Variants in C14orf119 observed in about 807,000 individuals in gnomAD.
C14orf119 encodes uncharacterized protein C14orf119.
In C14orf119, 17 loss-of-function variants were observed where a neutral mutation model predicts 13.5. That is an observed-to-expected ratio of 1.26 (90% CI 0.86 to 1.88). C14orf119 has a LOEUF of 1.88. C14orf119 is among the 40% of genes most tolerant of loss of function. The pLI, the probability that C14orf119 is intolerant of heterozygous loss-of-function variation, is 0.00. For missense variants in C14orf119, 162 were observed against 165.9 expected (o/e 0.98, Z 0.13); for synonymous variants, 61 against 61.9 (o/e 0.99, Z 0.07).
Position 23,097,848 on chromosome 14 carries a change from A to G in C14orf119, c.190A>G (p.Lys64Glu). The G allele has an allele frequency of 6.2e-7, 1 of 1,614,230 alleles. No homozygotes were observed. Among genetic ancestry groups the G allele is most frequent in the Non-Finnish European group, 8.5e-7 (1 of 1,180,024 alleles). Reference sequence around the variant, plus strand: ...ACGTTTCCTAGAGGACCTGGTAGCTAAGGCAGTGCCAGAAAAATTACAACC... The same window carrying G: ...ACGTTTCCTAGAGGACCTGGTAGCTGAGGCAGTGCCAGAAAAATTACAACC... ...RERFLEDLVAKAVPEKLQPLL... is the reference protein window; with the variant it reads ...RERFLEDLVAEAVPEKLQPLL... The change falls in exon 2 of 2, where the codon AAG becomes GAG. Residue 64 changes from lysine to glutamate, a missense_variant. By Grantham distance (56) the Lys-to-Glu change is moderately conservative. Coordinates refer to ENST00000319074, the MANE Select transcript of C14orf119 (RefSeq NM_017924.4).
At position 23,099,660 on chromosome 14, in the gene C14orf119, A is replaced by G. The variant is rs1199079934; in HGVS notation, c.*1579A>G. The G allele has an allele frequency of 2.7e-6, 1 of 375,304 alleles. No homozygotes were observed. Among genetic ancestry groups the G allele is most frequent in the African/African-American group, 2.1e-5 (1 of 47,582 alleles). 23.2% of individuals were successfully genotyped at this position (375,304 alleles called of 1,614,324 possible). On this transcript the variant is annotated 3_prime_UTR_variant, in exon 2 of 2. Coordinates refer to ENST00000319074, the MANE Select transcript of C14orf119 (RefSeq NM_017924.4). ...CCGTAATCTCCGCCTCCCAGGCTCAAGCAATTCTCCTGCCTCAACCTTCCG... is the reference window on the plus strand; with the variant it reads ...CCGTAATCTCCGCCTCCCAGGCTCAGGCAATTCTCCTGCCTCAACCTTCCG...
chr14:23,099,155 ATAT>A lies in C14orf119; in HGVS notation c.*1076_*1078del. 2.4e-6 allele frequency: 1 copy of A among 411,810 alleles called. No homozygotes were observed. 25.5% of individuals were successfully genotyped at this position (411,810 alleles called of 1,614,324 possible). ...CCTTTTTTCATTGCCAGGCTATATAATATTGACAACCGGGGAAAGAGGCATTCC... is the reference window on the plus strand; with the variant it reads ...CCTTTTTTCATTGCCAGGCTATATAATGACAACCGGGGAAAGAGGCATTCC... On this transcript the variant is annotated 3_prime_UTR_variant, in exon 2 of 2. Coordinates refer to ENST00000319074, the MANE Select transcript of C14orf119 (RefSeq NM_017924.4).
chr14:23,099,391 G>A lies in C14orf119; in HGVS notation c.*1310G>A. ...AGTGGCTCTTTTCTGGTAGGCTGTGGTTCCCATTACACCCACCAGGATTAG... is the reference window on the plus strand; with the variant it reads ...AGTGGCTCTTTTCTGGTAGGCTGTGATTCCCATTACACCCACCAGGATTAG... On this transcript the variant is annotated 3_prime_UTR_variant, in exon 2 of 2. Transcript: ENST00000319074. 2.4e-6 allele frequency: 1 copy of A among 413,412 alleles called. No homozygotes were observed. The highest frequency in any genetic ancestry group is 3.6e-5 in the East Asian group (1 of 28,074). 25.6% of individuals were successfully genotyped at this position (413,412 alleles called of 1,614,324 possible).
Position 23,100,120 on chromosome 14 carries a change from G to C in C14orf119, c.*2039G>C. ...AAATACAAAAATTAGCTGGCATGGT[G>C]GTGTGCACCTGTAGTCCCAGCTACT... On this transcript the variant is annotated 3_prime_UTR_variant, in exon 2 of 2. Coordinates refer to ENST00000319074, the MANE Select transcript of C14orf119 (RefSeq NM_017924.4). 6.1e-6 allele frequency: 1 copy of C among 165,022 alleles called. No individual in the cohort carries two copies. The highest frequency in any genetic ancestry group is 1.7e-4 in the East Asian group (1 of 5,910). 10.2% of individuals were successfully genotyped at this position (165,022 alleles called of 1,614,324 possible). A position where few individuals can be genotyped will look rare whatever the true frequency, so the allele number is the denominator to read the frequency against.
At position 23,098,494 on chromosome 14, in the gene C14orf119, G is replaced by T; in HGVS notation, c.*413G>T. On this transcript the variant is annotated 3_prime_UTR_variant, in exon 2 of 2. Coordinates refer to ENST00000319074, the MANE Select transcript of C14orf119 (RefSeq NM_017924.4). Reference sequence around the variant, plus strand: ...AGGTGGCGTTTTTGTACTTTACCTGGATTCCATTGGCTGGTTTTACCACTC... The same window carrying T: ...AGGTGGCGTTTTTGTACTTTACCTGTATTCCATTGGCTGGTTTTACCACTC... The T allele has an allele frequency of 5.2e-6, 1 of 192,900 alleles. No homozygotes were observed. The highest frequency in any genetic ancestry group is 1.3e-4 in the East Asian group (1 of 7,740). 11.9% of individuals were successfully genotyped at this position (192,900 alleles called of 1,614,324 possible). A position where few individuals can be genotyped will look rare whatever the true frequency, so the allele number is the denominator to read the frequency against.
rs547095845 is a variant in C14orf119, at chr14:23,099,226, A to C, written c.*1145A>C. 2.4e-6 allele frequency: 1 copy of C among 413,212 alleles called. No individual in the cohort carries two copies. The highest frequency in any genetic ancestry group is 2.1e-5 in the African/African-American group (1 of 48,630). The allele number at this position is 413,212 out of a possible 1,614,324, so 25.6% of individuals were successfully genotyped here. A position where few individuals can be genotyped will look rare whatever the true frequency, so the allele number is the denominator to read the frequency against. ...AGTATACACAATAGATTTTCCATCC[A>C]GTTGTCTCACAAGAAATTATTCTCT... On this transcript the variant is annotated 3_prime_UTR_variant, in exon 2 of 2. Transcript: ENST00000319074.
chr14:23,098,033 C>G lies in C14orf119; in HGVS notation c.375C>G (p.Phe125Leu). Residue 125 changes from phenylalanine (F) to leucine (L), a missense_variant, in exon 2 of 2, where the codon TTC becomes TTG. Coordinates refer to ENST00000319074, the MANE Select transcript of C14orf119 (RefSeq NM_017924.4). The stretch of plus-strand genomic sequence containing the variant: ...AGCTGGAGTTCAGTGAGCCAGACTT[C>G]GTGGCAAAGTTTTACCAAGCAGTGG... ...VRQLEFSEPD[F>L]VAKFYQAVAA... 6.2e-7 allele frequency: 1 copy of G among 1,614,084 alleles called. No individual in the cohort carries two copies. Among genetic ancestry groups the G allele is most frequent in the Non-Finnish European group, 8.5e-7 (1 of 1,180,024 alleles).
In C14orf119 at chr14:23,099,296, T is replaced by G; in HGVS notation, c.*1215T>G. On this transcript the variant is annotated 3_prime_UTR_variant, in exon 2 of 2. Coordinates refer to ENST00000319074, the MANE Select transcript of C14orf119 (RefSeq NM_017924.4). ...TCTGGGCAACATCACACCTCCCTTA[T>G]TCCTCTAACTGGGACCCTTGTGCTG... 2.4e-6 allele frequency: 1 copy of G among 413,442 alleles called. No individual in the cohort carries two copies. The highest frequency in any genetic ancestry group is 4.4e-6 in the Non-Finnish European group (1 of 226,116). 25.6% of individuals were successfully genotyped at this position (413,442 alleles called of 1,614,324 possible). A position where few individuals can be genotyped will look rare whatever the true frequency, so the allele number is the denominator to read the frequency against.
Position 23,100,456 on chromosome 14 carries a change from A to G in C14orf119, c.*2375A>G, listed in dbSNP as rs935099653. 1.2e-5 allele frequency: 5 copies of G among 413,228 alleles called. No homozygotes were observed. Among genetic ancestry groups the G allele is most frequent in the African/African-American group, 2.1e-5 (1 of 48,618 alleles). The allele number at this position is 413,228 out of a possible 1,614,324, so 25.6% of individuals were successfully genotyped here. On this transcript the variant is annotated 3_prime_UTR_variant, in exon 2 of 2. Coordinates refer to ENST00000319074, the MANE Select transcript of C14orf119 (RefSeq NM_017924.4). ...GTGCTTAATAAATTTAATTTCAAACATCCGGACTCCATGGATTTGAAAGGA... is the reference window on the plus strand; with the variant it reads ...GTGCTTAATAAATTTAATTTCAAACGTCCGGACTCCATGGATTTGAAAGGA...
In C14orf119 at chr14:23,098,055, G is replaced by C. The variant is rs965584688; in HGVS notation, c.397G>C (p.Val133Leu). 3 of 1,613,942 alleles carry C rather than the reference G, an allele frequency of 1.9e-6. No homozygotes were observed. The highest frequency in any genetic ancestry group is 1.7e-5 in the Admixed American group (1 of 60,006). ...CTTCGTGGCAAAGTTTTACCAAGCA[G>C]TGGCTGCTACAGCTGGTAAGGACTG... Reference protein sequence around the residue: ...PDFVAKFYQAVAATAGKD With the variant: ...PDFVAKFYQALAATAGKD Residue 133 changes from valine (V) to leucine (L), a missense_variant, in exon 2 of 2, where the codon GTG (valine) becomes CTG (leucine). Physicochemically the swap from Val to Leu is conservative, Grantham distance 32. Coordinates refer to ENST00000319074, the MANE Select transcript of C14orf119 (RefSeq NM_017924.4).
rs1443464445 is a variant in C14orf119 at position 23,099,646 on chromosome 14, G to A, written c.*1565G>A. ...GTGATCTTGGCTCACCGTAATCTCC[G>A]CCTCCCAGGCTCAAGCAATTCTCCT... On this transcript the variant is annotated 3_prime_UTR_variant, in exon 2 of 2. Coordinates refer to ENST00000319074, the MANE Select transcript of C14orf119 (RefSeq NM_017924.4). 1.6e-5 allele frequency: 6 copies of A among 365,612 alleles called. No individual in the cohort carries two copies. The highest frequency in any genetic ancestry group is 2.9e-5 in the Non-Finnish European group (6 of 207,084). 22.6% of individuals were successfully genotyped at this position (365,612 alleles called of 1,614,324 possible).
rs756125770 is a variant in C14orf119 at position 23,097,920 on chromosome 14, C to G, written c.262C>G (p.Pro88Ala). Residue 88 changes from proline to alanine, a missense_variant, in exon 2 of 2, where the codon CCA (proline) becomes GCA (alanine). Physicochemically the swap from Pro to Ala is conservative, Grantham distance 27. Coordinates refer to ENST00000319074, the MANE Select transcript of C14orf119 (RefSeq NM_017924.4). ...EQLSVSGADR[P>A]PSIFECQLHL... ...GCTTAGTGTGTCTGGGGCAGACCGA[C>G]CACCTTCTATCTTTGAGTGCCAGCT... 3.7e-6 allele frequency: 6 copies of G among 1,614,146 alleles called. No individual in the cohort carries two copies. In the South Asian group the frequency reaches 6.6e-5, roughly 18 times the overall value.
At position 23,098,610 on chromosome 14, in the gene C14orf119, A is replaced by G. The variant is rs1274947256; in HGVS notation, c.*529A>G. 1 of 171,130 alleles carries G rather than the reference A, an allele frequency of 5.8e-6. No homozygotes were observed. Among genetic ancestry groups the G allele is most frequent in the Non-Finnish European group, 1.4e-5 (1 of 70,426 alleles). The allele number at this position is 171,130 out of a possible 1,614,324, so 10.6% of individuals were successfully genotyped here. A position where few individuals can be genotyped will look rare whatever the true frequency, so the allele number is the denominator to read the frequency against. ...AATTATGAAAAATCAGGAGAGGGAG[A>G]TAATTAGTTGCTTCCTCCTTCACAC... On this transcript the variant is annotated 3_prime_UTR_variant, in exon 2 of 2. Coordinates refer to ENST00000319074, the MANE Select transcript of C14orf119 (RefSeq NM_017924.4).
rs1326860066 is a variant in C14orf119, at chr14:23,099,015, TC to T, written c.*936del. On this transcript the variant is annotated 3_prime_UTR_variant, in exon 2 of 2. Coordinates refer to ENST00000319074, the MANE Select transcript of C14orf119 (RefSeq NM_017924.4). ...TATTCTTGGAACTGGTAGCAGGTGT[TC>T]CTATTCTGTAAGTTTGCTTTACAAC... 1 of 272,648 alleles carries T rather than the reference TC, an allele frequency of 3.7e-6. No individual in the cohort carries two copies. The highest frequency in any genetic ancestry group is 2.2e-5 in the African/African-American group (1 of 45,616). The allele number at this position is 272,648 out of a possible 1,614,324, so 16.9% of individuals were successfully genotyped here. A position where few individuals can be genotyped will look rare whatever the true frequency, so the allele number is the denominator to read the frequency against.
chr14:23,099,791 A>G lies in C14orf119; in HGVS notation c.*1710A>G, dbSNP rs147982777. ...CCCGCCTCATCCAAGCATTAAGCTA[A>G]ACAGGAAATCATTAAGAGGGACTAT... On this transcript the variant is annotated 3_prime_UTR_variant, in exon 2 of 2. Coordinates refer to ENST00000319074, the MANE Select transcript of C14orf119 (RefSeq NM_017924.4). The G allele has an allele frequency of 2.3e-5, 5 of 220,248 alleles. No homozygotes were observed. In the East Asian group the frequency reaches 5.0e-4, roughly 22 times the overall value. The allele number at this position is 220,248 out of a possible 1,614,324, so 13.6% of individuals were successfully genotyped here.
rs771106296 is a variant in C14orf119, at chr14:23,098,126, G to A, written c.*45G>A. On this transcript the variant is annotated 3_prime_UTR_variant, in exon 2 of 2. Coordinates refer to ENST00000319074, the MANE Select transcript of C14orf119 (RefSeq NM_017924.4). ...AGATAACCATAGCTGATGGAGCCAT[G>A]ACTCTCTACAATGATAACTCAATTC... The A allele has an allele frequency of 6.4e-7, 1 of 1,571,576 alleles. No homozygotes were observed. The highest frequency in any genetic ancestry group is 1.2e-5 in the South Asian group (1 of 86,118).
At chr14:23,097,084 A>G (rs2048387894) in intron 1 of C14orf119, among the ~76,000 whole-genome samples, 1 of 152,156 alleles carries the variant, frequency 6.6e-6, no homozygotes, top group Admixed American at 6.5e-5. Context: ...GGTGCTTTAC[A>G]GGAAATGTAA....
intron 1 of C14orf119, among the ~76,000 whole-genome samples, chr14:23,096,019 T>C (rs773635230): frequency 2.6e-5 from 4 of 152,252 alleles, no homozygotes; most frequent in South Asian, 2.1e-4. Flanking sequence ...CTGAACTTTT[T>C]TGGTACTTGA....
At position 23,099,046 on chromosome 14, in the gene C14orf119, C is replaced by T. The variant is rs544286111; in HGVS notation, c.*965C>T. On this transcript the variant is annotated 3_prime_UTR_variant, in exon 2 of 2. Coordinates refer to ENST00000319074, the MANE Select transcript of C14orf119 (RefSeq NM_017924.4). ...TCTGTAAGTTTGCTTTACAACAATACGAAAATAAGTGACAATTTACAGGTT... is the reference window on the plus strand; with the variant it reads ...TCTGTAAGTTTGCTTTACAACAATATGAAAATAAGTGACAATTTACAGGTT... The T allele has an allele frequency of 6.8e-5, 23 of 336,870 alleles. No homozygotes were observed. The highest frequency in any genetic ancestry group is 1.2e-4 in the Non-Finnish European group (21 of 178,354). 20.9% of individuals were successfully genotyped at this position (336,870 alleles called of 1,614,324 possible). A position where few individuals can be genotyped will look rare whatever the true frequency, so the allele number is the denominator to read the frequency against.
Sources: allele counts gnomAD v4.1 joint callset (sites outside exome capture counted in the v4.1 genomes callset), GRCh38; gene constraint gnomAD v4.1.1; transcripts MANE v1.5; gene names NCBI Gene and HGNC (gene_info 2026-07-23, HGNC 2026-07-21).